The following ZNF292 variants were observed in gnomAD, a reference collection of about 807,000 sequenced individuals.
ZNF292 encodes the protein 16 zinc-finger domain protein.
Under a neutral mutation model 217.9 loss-of-function variants are expected in ZNF292, and 26 were observed. The observed-to-expected ratio is 0.12, with a 90% CI of 0.09 to 0.17. The LOEUF (loss-of-function observed/expected upper bound fraction) is 0.17. Ranked by LOEUF, ZNF292 falls within the 10% of genes least tolerant of loss-of-function variation. The pLI is 1.00. For synonymous variants in ZNF292, 1,257 were observed against 1,124.1 expected, an observed-to-expected ratio of 1.12 and a Z score of -2.37; for missense variants, 2,904 against 3,175.2, an observed-to-expected ratio of 0.91 and a Z score of 2.05.
intron 6 of ZNF292, among the ~76,000 whole-genome samples, chr6:87,245,263 C>T (rs968204865): frequency 7.2e-5 from 11 of 151,976 alleles, no homozygotes; most frequent in Non-Finnish European, 1.6e-4. Context: ...AGATGCTTTC[C>T]TAGTAGAAGG....
At chr6:87,238,302 C>T (rs1434506466) in intron 5 of ZNF292, among the ~76,000 whole-genome samples, 5 of 152,014 alleles carry the variant, frequency 3.3e-5, no homozygotes, top group Admixed American at 2.6e-4. Context: ...GCCTGGGCAA[C>T]ATGGTGAAAC....
Position 87,259,640 on chromosome 6 carries a change from A to G in ZNF292, c.6011A>G (p.Gln2004Arg), listed in dbSNP as rs764198497. Residue 2004 changes from glutamine (Q) to arginine (R), a missense_variant, in exon 8 of 8, where the codon CAA (glutamine) becomes CGA (arginine). Transcript: ENST00000369577. ...SENVPASRST[Q>R]VKKQLAMTEE... Reference sequence around the variant, plus strand: ...AATGTGCCGGCCTCACGAAGTACACAAGTGAAAAAACAGCTAGCTATGACA... The same window carrying G: ...AATGTGCCGGCCTCACGAAGTACACGAGTGAAAAAACAGCTAGCTATGACA... The G allele has an allele frequency of 1.9e-6, 3 of 1,586,096 alleles. No individual in the cohort carries two copies. The highest frequency in any genetic ancestry group is 1.8e-5 in the Admixed American group (1 of 55,232).
intron 1 of ZNF292, among the ~76,000 whole-genome samples, chr6:87,159,801 T>G (rs926053668): frequency 2.0e-5 from 3 of 152,198 alleles, no homozygotes; most frequent in Non-Finnish European, 4.4e-5. Context: ...TCTAAGTAGC[T>G]GAGACCTCAG....
chr6:87,238,376 C>T (rs1163266847), intron 5 of ZNF292, among the ~76,000 whole-genome samples: 1 of 151,734 alleles, frequency 6.6e-6, no homozygotes, highest in African/African-American at 2.4e-5. Context: ...ATCCCAGCTA[C>T]TCAGGAGGCT....
intron 4 of ZNF292, among the ~76,000 whole-genome samples, chr6:87,226,196 A>G (rs1773334213): frequency 6.6e-6 from 1 of 152,166 alleles, no homozygotes; most frequent in Non-Finnish European, 1.5e-5. Context: ...CATCTTGAGC[A>G]CTGCAGTTCT....
Position 87,227,777 on chromosome 6 carries a change from A to C in ZNF292, c.539-5548A>C, listed in dbSNP as rs114553314. ...TGGTAGCATGTGAAAGGATTTGCTT[A>C]CTTTTTAATGCTGAATAATATTCCA... is the stretch of plus-strand genomic sequence containing the variant. On this transcript the variant is annotated intron_variant, in intron 4 of 7. Coordinates refer to ENST00000369577, the MANE Select transcript of ZNF292 (RefSeq NM_015021.3). 3.6e-3 allele frequency among the ~76,000 whole-genome samples: 551 copies of C among 152,308 alleles called. 2 individuals carry two copies. The highest frequency in any genetic ancestry group is 0.013 in the African/African-American group (530 of 41,552).
At chr6:87,200,400 A>G (rs971350904) in intron 1 of ZNF292, among the ~76,000 whole-genome samples, 3 of 152,200 alleles carry the variant, frequency 2.0e-5, no homozygotes, top group South Asian at 2.1e-4. Flanking sequence ...ACATAGCATT[A>G]TGAGAATTAA....
At chr6:87,172,652 T>C (rs943840367) in intron 1 of ZNF292, among the ~76,000 whole-genome samples, 3 of 152,144 alleles carry the variant, frequency 2.0e-5, no homozygotes, top group Non-Finnish European at 4.4e-5. Flanking sequence ...ATACCTGTAA[T>C]CCCAGCACTT....
chr6:87,253,583 C>CT (rs1360155844), intron 7 of ZNF292, among the ~76,000 whole-genome samples: 1 of 152,060 alleles, frequency 6.6e-6, no homozygotes, highest in East Asian at 1.9e-4. Flanking sequence ...TATTCATTTT[C>CT]TTTTTGGTCA....
chr6:87,193,538 CAAAAA>C (rs981050787), intron 1 of ZNF292, among the ~76,000 whole-genome samples: 1 of 124,890 alleles, frequency 8.0e-6, no homozygotes, highest in Non-Finnish European at 1.7e-5. Context: ...AGAGACCTTC[CAAAAA>C]AAAAAAAGAA....
Position 87,260,233 on chromosome 6 carries a change from G to A in ZNF292, c.6604G>A (p.Glu2202Lys). ...CATGAAACTTCATGAAATGACTCCT[G>A]AAGAAATTGAAAGTATGACTGCTTC... Reference protein sequence around the residue: ...HYMKLHEMTPEEIESMTASVD... With the variant: ...HYMKLHEMTPKEIESMTASVD... The change falls in exon 8 of 8, where the codon GAA becomes AAA. Residue 2202 changes from glutamate (E) to lysine (K), a missense_variant. By Grantham distance (56) the Glu-to-Lys change is moderately conservative. Transcript: ENST00000369577. 6.2e-7 allele frequency: 1 copy of A among 1,613,624 alleles called. No homozygotes were observed. The highest frequency in any genetic ancestry group is 8.5e-7 in the Non-Finnish European group (1 of 1,179,628).
intron 1 of ZNF292, among the ~76,000 whole-genome samples, chr6:87,197,315 A>G (rs1771977810): frequency 1.3e-5 from 2 of 152,184 alleles, no homozygotes; most frequent in African/African-American, 4.8e-5. Context: ...AATCTATCCC[A>G]TAGCAGAAAA....
intron 1 of ZNF292, among the ~76,000 whole-genome samples, chr6:87,178,135 A>G (rs995460029): frequency 2.6e-5 from 4 of 152,144 alleles, no homozygotes; most frequent in Admixed American, 6.5e-5. Context: ...AGGCCTTCCT[A>G]TGCTACTAAA....
Position 87,258,429 on chromosome 6 carries a change from CAGTAACAGT to C in ZNF292, c.4801_4809del (p.Asn1602_Ser1604del), listed in dbSNP as rs1360449508. 20 of 1,613,472 alleles carry C rather than the reference CAGTAACAGT, an allele frequency of 1.2e-5. No individual in the cohort carries two copies. The highest frequency in any genetic ancestry group is 1.5e-5 in the Non-Finnish European group (18 of 1,179,768). ...CTGGTGGGCCATCACAAAATTTTAC[CAGTAACAGT>C]TCTCGTGTTTCTGTTATAAGTGGTC... On this transcript the variant is annotated inframe_deletion, in exon 8 of 8. Transcript: ENST00000369577.
At chr6:87,240,470 T>G (rs1042855473) in intron 5 of ZNF292, among the ~76,000 whole-genome samples, 1 of 152,132 alleles carries the variant, frequency 6.6e-6, no homozygotes, top group African/African-American at 2.4e-5. Flanking sequence ...TTGCCCAGCC[T>G]GGAGTGCAGT....
chr6:87,225,763 G>A (rs1773316151), intron 4 of ZNF292, among the ~76,000 whole-genome samples: 1 of 152,168 alleles, frequency 6.6e-6, no homozygotes, highest in African/African-American at 2.4e-5. Context: ...TCTATGGTGT[G>A]TTCTACTCTT....
intron 1 of ZNF292, among the ~76,000 whole-genome samples, chr6:87,176,071 T>TGG (rs201357603): frequency 1.3e-5 from 2 of 151,784 alleles, no homozygotes; most frequent in Admixed American, 1.3e-4. Context: ...ATATGTGTGG[T>TGG]GGGGGGGGCT....
chr6:87,232,204 TAA>T (rs1773690831), intron 4 of ZNF292, among the ~76,000 whole-genome samples: 2 of 152,142 alleles, frequency 1.3e-5, no homozygotes, highest in African/African-American at 4.8e-5. Flanking sequence ...TTTATGGTTT[TAA>T]TACCAACGAG....
At position 87,256,235 on chromosome 6, in the gene ZNF292, G is replaced by T; in HGVS notation, c.2606G>T (p.Arg869Ile). Residue 869 changes from arginine (R) to isoleucine (I), a missense_variant, in exon 8 of 8, where the codon AGA (arginine) becomes ATA (isoleucine). Physicochemically the swap from Arg to Ile is moderately conservative, Grantham distance 97. This residue lies in a region of ZNF292 where 687 missense variants were observed against 623.0 expected (regional missense o/e 1.10). Coordinates refer to ENST00000369577, the MANE Select transcript of ZNF292 (RefSeq NM_015021.3). ...ACAGCAGAGAATATTGAGAAAGAAAGATCTATGCTTCCTTCAGAAAATAAC... is the reference window on the plus strand; with the variant it reads ...ACAGCAGAGAATATTGAGAAAGAAATATCTATGCTTCCTTCAGAAAATAAC... ...QNTAENIEKE[R>I]SMLPSENNIE... 1 of 1,613,830 alleles carries T rather than the reference G, an allele frequency of 6.2e-7. No individual in the cohort carries two copies. The highest frequency in any genetic ancestry group is 8.5e-7 in the Non-Finnish European group (1 of 1,179,816).
Sources: allele counts gnomAD v4.1 joint callset (sites outside exome capture counted in the v4.1 genomes callset), GRCh38; gene constraint gnomAD v4.1.1; regional missense constraint gnomAD v4.1.1; transcripts MANE v1.5; gene names NCBI Gene and HGNC (gene_info 2026-07-23, HGNC 2026-07-21).